Variants in ERN2 observed in about 807,000 individuals in gnomAD.
The protein encoded by ERN2 is serine/threonine-protein kinase/endoribonuclease IRE2.
In ERN2, 111 loss-of-function variants were observed where a neutral mutation model predicts 107.9. The ratio of observed to expected loss-of-function variants is 1.03; its 90% confidence interval spans 0.88 to 1.20. The LOEUF (loss-of-function observed/expected upper bound fraction) is 1.20, where lower values mean the gene tolerates loss of function less well. ERN2 is among the 50% of genes most tolerant of loss of function. The pLI, the probability that ERN2 is intolerant of heterozygous loss-of-function variation, is 0.00. For missense variants in ERN2, 1,225 were observed against 1,197.9 expected (o/e 1.02, Z -0.33); for synonymous variants, 524 against 501.7 (o/e 1.04, Z -0.59).
Position 23,701,031 on chromosome 16 carries a change from T to C in ERN2, c.1287A>G (p.Gly429=), listed in dbSNP as rs1355310560. Residue 429 remains glycine (G), a synonymous_variant, in exon 12 of 22, where the codon GGA becomes GGG. Transcript: ENST00000256797. ...GGCTAGCTGCCAGCAGGTCTTGGGG[T>C]CCCAGCCCCAAGTAAGAGTCTGGAG... is the stretch of plus-strand genomic sequence containing the variant. ...EKTPDSYLGL[G]PQDLLAASLT... 1.9e-6 allele frequency: 3 copies of C among 1,613,826 alleles called. No homozygotes were observed. In the Admixed American group the frequency reaches 5.0e-5, roughly 27 times the overall value.
In ERN2 at chr16:23,691,187, T is replaced by C; in HGVS notation, c.2510A>G (p.Lys837Arg). 6 of 1,614,054 alleles carry C rather than the reference T, an allele frequency of 3.7e-6. No homozygotes were observed. The highest frequency in any genetic ancestry group is 5.1e-6 in the Non-Finnish European group (6 of 1,179,992). Residue 837 changes from lysine (K) to arginine (R), a missense_variant, in exon 21 of 22, where the codon AAG becomes AGG. Transcript: ENST00000256797. ...TGATGTCCCCTTATAGGACCGGAACTTTCTCAGATCTGTGGACAGGGAATT... is the reference window on the plus strand; with the variant it reads ...TGATGTCCCCTTATAGGACCGGAACCTTCTCAGATCTGTGGACAGGGAATT... ...ISMPLQTDLR[K>R]FRSYKGTSVR...
At chr16:23,691,794 A>C (rs1370016541) in intron 19 of ERN2, among the ~76,000 whole-genome samples, 169 bp downstream of exon 19, 2 of 152,198 alleles carry the variant, frequency 1.3e-5, no homozygotes, top group African/African-American at 4.8e-5. Flanking sequence ...GAGTGCCAAG[A>C]TGGCGGAGTT....
At chr16:23,695,722 C>CAAAAA (rs57103138) in intron 14 of ERN2, among the ~76,000 whole-genome samples, 172 bp downstream of exon 14, 430 of 37,368 alleles carry the variant, frequency 0.012, 36 homozygotes, top group African/African-American at 0.036. Flanking sequence ...GAGCAAGACT[C>CAAAAA]AAAAAAAAAA....
In ERN2 at chr16:23,692,384, G is replaced by C. The variant is rs545284689; in HGVS notation, c.2101-53C>G. ...GGAAATCTCTGCTTCCAGGAAGTCAGCCTGGCTAAATTCTCCCATGGGCTG... is the reference window on the plus strand; with the variant it reads ...GGAAATCTCTGCTTCCAGGAAGTCACCCTGGCTAAATTCTCCCATGGGCTG... On this transcript the variant is annotated intron_variant, in intron 17 of 21. Transcript: ENST00000256797. The C allele has an allele frequency of 2.5e-6, 4 of 1,593,038 alleles. No individual in the cohort carries two copies. The East Asian group carries it at 6.7e-5, about 27-fold the overall frequency.
chr16:23,711,944 A>AG, intron 1 of ERN2: 1 of 321,062 alleles, frequency 3.1e-6, no homozygotes, highest in Non-Finnish European at 6.8e-6. Flanking sequence ...TGCCCTTGGG[A>AG]GGGGGGCTGG....
At chr16:23,712,754 A>T in intron 1 of ERN2, 1 of 287,198 alleles carries the variant, frequency 3.5e-6, no homozygotes, top group Non-Finnish European at 6.4e-6. Context: ...ATATTTTCAA[A>T]GGAAGCCAGG....
chr16:23,692,778 G>A (rs183354554), intron 17 of ERN2, among the ~76,000 whole-genome samples: 3 of 151,746 alleles, frequency 2.0e-5, no homozygotes, highest in African/African-American at 7.3e-5. Flanking sequence ...CCAGGCTAGA[G>A]TGCAGTGGCG....
chr16:23,705,920 A>C (rs1389218671), intron 7 of ERN2, among the ~76,000 whole-genome samples: 1 of 151,906 alleles, frequency 6.6e-6, no homozygotes, highest in Admixed American at 6.6e-5. Context: ...TCTCACAAAA[A>C]ATGGTGGGGA....
chr16:23,691,908 G>A, intron 19 of ERN2, 55 bp downstream of exon 19: 2 of 1,585,666 alleles, frequency 1.3e-6, no homozygotes, highest in Non-Finnish European at 1.7e-6. Context: ...ATTTCTTATT[G>A]CCCAGGACCC....
chr16:23,701,103 C>T lies in ERN2; in HGVS notation c.1215G>A (p.Leu405=). 1 of 1,613,866 alleles carries T rather than the reference C, an allele frequency of 6.2e-7. No individual in the cohort carries two copies. Among genetic ancestry groups the T allele is most frequent in the African/African-American group, 1.3e-5 (1 of 75,012 alleles). Residue 405 remains leucine (L), a synonymous_variant, in exon 12 of 22, where the codon CTG becomes CTA. Transcript: ENST00000256797. ...APAFFLELLS[L]SREKLWDSEL... is the part of the protein sequence containing the mutation. ...CGGAGTCCCAAAGTTTCTCTCGGCT[C>T]AGGCTCAATAGCTGGGGATAAAGGG...
In ERN2 at chr16:23,706,785, G is replaced by A. The variant is rs764622361; in HGVS notation, c.456C>T (p.Pro152=). 1.2e-6 allele frequency: 2 copies of A among 1,611,048 alleles called. No homozygotes were observed. The highest frequency in any genetic ancestry group is 1.7e-5 in the Admixed American group (1 of 59,006). Residue 152 remains proline, a synonymous_variant, in exon 6 of 22, where the codon CCC becomes CCT. Transcript: ENST00000256797. ...GGCCAATGTAGAGGCGGGGGGTGGAGGGACCCTCTGTGGTCAGTGTCATCT... is the reference window on the plus strand; with the variant it reads ...GGCCAATGTAGAGGCGGGGGGTGGAAGGACCCTCTGTGGTCAGTGTCATCT... ...ETQMTLTTEG[P]STPRLYIGRT...
chr16:23,703,156 T>A (rs925866154), intron 8 of ERN2, among the ~76,000 whole-genome samples: 4 of 152,228 alleles, frequency 2.6e-5, no homozygotes, highest in African/African-American at 9.6e-5. Context: ...TGGGGCAATT[T>A]GTTATGCAGC....
At chr16:23,709,156 T>C (rs1034593261) in intron 4 of ERN2, 1 of 455,068 alleles carries the variant, frequency 2.2e-6, no homozygotes, top group Non-Finnish European at 4.4e-6. Flanking sequence ...AAGAACTGGG[T>C]GTGGTGGTGT....
Position 23,707,009 on chromosome 16 carries a change from G to A in ERN2, c.377C>T (p.Thr126Ile). The change falls in exon 5 of 22, where the codon ACA becomes ATA. Residue 126 changes from threonine to isoleucine, a missense_variant and splice_region_variant. Coordinates refer to ENST00000256797, the MANE Select transcript of ERN2 (RefSeq NM_033266.4). The stretch of plus-strand genomic sequence containing the variant: ...CCACAGGCTGAAGAGATGCTCACCT[G>A]TGTAGAAGACCCCATCAGAGCTGCG... The part of the protein sequence containing the change: ...PCRSSDGVFY[T>I]GRKQDAWFVV... The A allele has an allele frequency of 6.2e-7, 1 of 1,613,714 alleles. No individual in the cohort carries two copies. The highest frequency in any genetic ancestry group is 8.5e-7 in the Non-Finnish European group (1 of 1,179,578).
At chr16:23,703,272 T>C (rs1218706258) in intron 8 of ERN2, among the ~76,000 whole-genome samples, 1 of 152,158 alleles carries the variant, frequency 6.6e-6, no homozygotes, top group Non-Finnish European at 1.5e-5. Flanking sequence ...TACATCGTCC[T>C]TTACTTCTTC....
At chr16:23,705,969 G>T (rs1271073507) in intron 7 of ERN2, among the ~76,000 whole-genome samples, 6 of 152,106 alleles carry the variant, frequency 3.9e-5, no homozygotes, top group Admixed American at 3.9e-4. Flanking sequence ...TATGGAAGAG[G>T]CTACTTAGGG....
Position 23,701,041 on chromosome 16 carries a change from A to C in ERN2, c.1277T>G (p.Leu426Trp). 6.2e-7 allele frequency: 1 copy of C among 1,614,144 alleles called. No homozygotes were observed. The highest frequency in any genetic ancestry group is 8.5e-7 in the Non-Finnish European group (1 of 1,180,006). ...HPEEKTPDSYLGLGPQDLLAA... is the reference protein window; with the variant it reads ...HPEEKTPDSYWGLGPQDLLAA... ...CAGCAGGTCTTGGGGTCCCAGCCCCAAGTAAGAGTCTGGAGTTTTTTCTTC... is the reference window on the plus strand; with the variant it reads ...CAGCAGGTCTTGGGGTCCCAGCCCCCAGTAAGAGTCTGGAGTTTTTTCTTC... Residue 426 changes from leucine (L) to tryptophan (W), a missense_variant, in exon 12 of 22, where the codon TTG becomes TGG. Physicochemically the swap from Leu to Trp is moderately conservative, Grantham distance 61. Coordinates refer to ENST00000256797, the MANE Select transcript of ERN2 (RefSeq NM_033266.4).
chr16:23,694,272 C>T (rs1959712393), intron 17 of ERN2, among the ~76,000 whole-genome samples: 1 of 152,206 alleles, frequency 6.6e-6, no homozygotes, highest in Admixed American at 6.5e-5. Flanking sequence ...GCTGGGATTA[C>T]AGGCGTGAGC....
In ERN2 at chr16:23,710,470, C is replaced by T. The variant is rs538514908; in HGVS notation, c.233+46G>A. The T allele has an allele frequency of 2.4e-5, 39 of 1,596,046 alleles. No individual in the cohort carries two copies. The South Asian group carries it at 3.9e-4, about 16-fold the overall frequency. ...CTCTCTCCAGACAACTATGAGTCCC[C>T]CATCTCCCAGAAGCCTCCTCCTTAA... On this transcript the variant is annotated intron_variant, in intron 3 of 21. Coordinates refer to ENST00000256797, the MANE Select transcript of ERN2 (RefSeq NM_033266.4).
Sources: gnomAD v4.1 joint callset for allele counts (sites outside exome capture counted in the v4.1 genomes callset) on GRCh38, gnomAD v4.1.1 for gene constraint, MANE v1.5 for transcripts, NCBI Gene and HGNC (gene_info 2026-07-23, HGNC 2026-07-21) for gene names.